NUDT1: variants seen among roughly 807,000 people sequenced by gnomAD.
NUDT1 encodes nudix hydrolase 1.
A neutral mutation model predicts 11.3 loss-of-function variants in NUDT1; 16 were observed. The observed-to-expected ratio is 1.41, with a 90% CI of 0.96 to 2.15. The LOEUF (loss-of-function observed/expected upper bound fraction) is 2.15. Among genes scored for constraint, NUDT1 ranks in the 30% most tolerant of loss-of-function variants. NUDT1 has a pLI of 0.00. For missense variants in NUDT1, 234 were observed against 208.4 expected (o/e 1.12, Z -0.76); for synonymous variants, 101 against 84.4 (o/e 1.20, Z -1.08).
chr7:2,247,283 T>C (rs1794805140), intron 2 of NUDT1, among the ~76,000 whole-genome samples: 1 of 152,116 alleles, frequency 6.6e-6, no homozygotes, highest in African/African-American at 2.4e-5. Context: ...AGATGGGCCC[T>C]AACTCCCAGG....
intron 1 of NUDT1, among the ~76,000 whole-genome samples, chr7:2,244,138 G>A (rs2115052342): frequency 6.6e-6 from 1 of 152,346 alleles, no homozygotes; most frequent in South Asian, 2.1e-4. Context: ...CTGACCTGAG[G>A]ACCACAGGAT....
chr7:2,243,105 C>G, intron 1 of NUDT1: 1 of 682,876 alleles, frequency 1.5e-6, no homozygotes, highest in South Asian at 1.6e-5. Context: ...CTGACCGCCC[C>G]TGCCAAACTC....
chr7:2,244,773 C>A, intron 2 of NUDT1, 47 bp downstream of exon 2: 1 of 1,578,182 alleles, frequency 6.3e-7, no homozygotes, highest in Non-Finnish European at 8.6e-7. Flanking sequence ...TCCCAGGGCA[C>A]AGGGATTCGG....
At chr7:2,244,522 C>T (rs370328085) in intron 1 of NUDT1, 41 bp from the exon 2 acceptor site, 52 of 1,493,908 alleles carry the variant, frequency 3.5e-5, no homozygotes, top group African/African-American at 7.0e-5. Flanking sequence ...GCTTCCTCCA[C>T]GCACGTCATG....
chr7:2,244,028 G>T lies in NUDT1; in HGVS notation c.-12-535G>T, dbSNP rs1188445864. Among the ~76,000 whole-genome samples, 6 of 152,282 alleles carry T rather than the reference G, an allele frequency of 3.9e-5. No individual in the cohort carries two copies. In the East Asian group the frequency reaches 1.2e-3, roughly 29 times the overall value. On this transcript the variant is annotated intron_variant, in intron 1 of 3. Transcript: ENST00000356714. The stretch of plus-strand genomic sequence containing the variant: ...AGGACTAGCCGGGCCTGGCTGGGTG[G>T]ACCTGTGTCTACAGCCACACATTTC...
intron 1 of NUDT1, among the ~76,000 whole-genome samples, chr7:2,243,218 G>A (rs529688742): frequency 6.6e-6 from 1 of 152,160 alleles, no homozygotes; most frequent in African/African-American, 2.4e-5. Flanking sequence ...AAAACCACTG[G>A]GGTTTTTTTA....
At position 2,250,856 on chromosome 7, in the gene NUDT1, A is replaced by G; in HGVS notation, c.326A>G (p.Asp109Gly). 5 of 1,614,178 alleles carry G rather than the reference A, an allele frequency of 3.1e-6. No homozygotes were observed. Among genetic ancestry groups the G allele is most frequent in the Non-Finnish European group, 4.2e-6 (5 of 1,180,022 alleles). ...DEMRPCWFQL[D>G]QIPFKDMWPD... Reference sequence around the variant, plus strand: ...ATGCGCCCATGCTGGTTCCAGCTGGATCAGATCCCCTTCAAGGACATGTGG... The same window carrying G: ...ATGCGCCCATGCTGGTTCCAGCTGGGTCAGATCCCCTTCAAGGACATGTGG... Residue 109 changes from aspartate to glycine, a missense_variant, in exon 4 of 4, where the codon GAT (aspartate) becomes GGT (glycine). Physicochemically the swap from Asp to Gly is moderately conservative, Grantham distance 94. Coordinates refer to ENST00000356714, the MANE Select transcript of NUDT1 (RefSeq NM_002452.4).
intron 2 of NUDT1, among the ~76,000 whole-genome samples, chr7:2,245,384 G>C (rs4719468): frequency 0.27 from 41,187 of 152,078 alleles, 7,008 homozygotes; most frequent in East Asian, 0.52. Context: ...GAACTACAGA[G>C]TAAAGAGGGT....
At chr7:2,249,794 C>T in intron 2 of NUDT1, 63 bp from the exon 3 acceptor site, 2 of 1,598,672 alleles carry the variant, frequency 1.3e-6, no homozygotes, top group South Asian at 2.2e-5. Context: ...CTCCTCCCTG[C>T]CATCGTGTGG....
intron 1 of NUDT1, 46 bp from the exon 2 acceptor site, chr7:2,244,517 C>G (rs1794688236): frequency 6.7e-7 from 1 of 1,488,832 alleles, no homozygotes; most frequent in Admixed American, 2.3e-5. Flanking sequence ...CACGTGCTTC[C>G]TCCACGCACG....
intron 1 of NUDT1, 112 bp from the exon 2 acceptor site, chr7:2,244,451 T>TGGG: frequency 3.1e-6 from 3 of 981,622 alleles, no homozygotes; most frequent in Non-Finnish European, 4.4e-6. Context: ...AGTTACAGCA[T>TGGG]ACCCCCCCGC....
chr7:2,244,456 C>T, intron 1 of NUDT1, 107 bp from the exon 2 acceptor site: 1 of 947,724 alleles, frequency 1.1e-6, no homozygotes, highest in Non-Finnish European at 1.5e-6. Context: ...CAGCATACCC[C>T]CCCGCCCCCC....
At chr7:2,244,863 T>G in intron 2 of NUDT1, 137 bp downstream of exon 2, 1 of 1,009,048 alleles carries the variant, frequency 9.9e-7, no homozygotes, top group Non-Finnish European at 1.4e-6. Flanking sequence ...CCTCAGTGTC[T>G]TCATCTCAGA....
chr7:2,248,547 C>CTTTT (rs11393832), intron 2 of NUDT1, among the ~76,000 whole-genome samples: 14 of 122,586 alleles, frequency 1.1e-4, no homozygotes, highest in African/African-American at 4.6e-4. Flanking sequence ...ATGATGTTTG[C>CTTTT]TTTTTTTTTT....
intron 1 of NUDT1, 104 bp from the exon 2 acceptor site, chr7:2,244,459 C>CCCCCCCCCA: frequency 1.0e-6 from 1 of 971,536 alleles, no homozygotes; most frequent in Non-Finnish European, 1.5e-6. Flanking sequence ...CATACCCCCC[C>CCCCCCCCCA]GCCCCCCACT....
intron 3 of NUDT1, 150 bp downstream of exon 3, chr7:2,250,152 G>A (rs1478087787): frequency 9.5e-6 from 10 of 1,050,966 alleles, no homozygotes; most frequent in South Asian, 1.5e-5. Context: ...TGGGGCCCAT[G>A]AGCCGTGGTC....
intron 1 of NUDT1, chr7:2,242,516 A>C: frequency 2.5e-6 from 1 of 404,534 alleles, no homozygotes; most frequent in Non-Finnish European, 4.4e-6. Context: ...TTTACTTTGG[A>C]AACCGTGGCT....
At chr7:2,243,341 G>T (rs1418680436) in intron 1 of NUDT1, among the ~76,000 whole-genome samples, 1 of 152,180 alleles carries the variant, frequency 6.6e-6, no homozygotes, top group Non-Finnish European at 1.5e-5. Context: ...TGGAGCCCTG[G>T]CCAGAGACCA....
chr7:2,249,066 TG>T (rs1794877390), intron 2 of NUDT1, among the ~76,000 whole-genome samples: 1 of 152,246 alleles, frequency 6.6e-6, no homozygotes, highest in African/African-American at 2.4e-5. Context: ...CGGGGAAACC[TG>T]GCTCTGTGTG....
Sources: gnomAD v4.1 joint callset for allele counts (sites outside exome capture counted in the v4.1 genomes callset) on GRCh38, gnomAD v4.1.1 for gene constraint, MANE v1.5 for transcripts, NCBI Gene and HGNC (gene_info 2026-07-23, HGNC 2026-07-21) for gene names.